PTGES3: variants seen among roughly 807,000 people sequenced by gnomAD.
The protein encoded by PTGES3 is Hsp90 co-chaperone.
In PTGES3, 5 loss-of-function variants were observed where a neutral mutation model predicts 29.9. The ratio of observed to expected loss-of-function variants is 0.17; its 90% CI spans 0.09 to 0.35. PTGES3 has a LOEUF of 0.35. PTGES3 is among the 10% of genes least tolerant of loss of function. The pLI is 1.00. For missense variants in PTGES3, 128 were observed against 190.0 expected (o/e 0.67, Z 1.92); for synonymous variants, 49 against 57.8 (o/e 0.85, Z 0.69).
intron 6 of PTGES3, chr12:56,665,284 C>CTTTTTTT (rs59007550): frequency 1.4e-6 from 1 of 692,986 alleles, no homozygotes; most frequent in Non-Finnish European, 1.7e-6. Flanking sequence ...CAATGTCCAT[C>CTTTTTTT]TTTTTTTTTT....
chr12:56,685,625 C>A (rs1592288273), intron 1 of PTGES3, among the ~76,000 whole-genome samples: 1 of 151,680 alleles, frequency 6.6e-6, no homozygotes, highest in Admixed American at 6.6e-5. Context: ...TGGTCTCGAT[C>A]TCCTGACCTC....
At chr12:56,671,154 T>C (rs1336138778) in intron 4 of PTGES3, among the ~76,000 whole-genome samples, 1 of 151,768 alleles carries the variant, frequency 6.6e-6, no homozygotes, top group African/African-American at 2.4e-5. Context: ...GTCCCAGCAC[T>C]TTGGGAGGCT....
At chr12:56,685,760 G>A (rs1378297872) in intron 1 of PTGES3, among the ~76,000 whole-genome samples, 1 of 133,950 alleles carries the variant, frequency 7.5e-6, no homozygotes, top group Non-Finnish European at 1.5e-5. Flanking sequence ...TCTCTCTACT[G>A]CTACACTTAC....
At chr12:56,687,511 G>T (rs1005208052) in intron 1 of PTGES3, 1 of 998,446 alleles carries the variant, frequency 1.0e-6, no homozygotes, top group African/African-American at 1.7e-5. Context: ...AGCTCACGGC[G>T]AGGTCCGCGT....
At chr12:56,675,837 C>A (rs935292946) in intron 1 of PTGES3, among the ~76,000 whole-genome samples, 2 of 152,018 alleles carry the variant, frequency 1.3e-5, no homozygotes, top group African/African-American at 4.8e-5. Flanking sequence ...GCAGGAGAAT[C>A]GCTTGAAATA....
intron 7 of PTGES3, 30 bp downstream of exon 7, chr12:56,664,746 T>C (rs1353774786): frequency 6.3e-7 from 1 of 1,578,988 alleles, no homozygotes; most frequent in South Asian, 1.1e-5. Flanking sequence ...AAAGTATCAC[T>C]GTATAAACAT....
chr12:56,687,093 C>A (rs1460308295), intron 1 of PTGES3, among the ~76,000 whole-genome samples: 1 of 150,586 alleles, frequency 6.6e-6, no homozygotes. Context: ...CGGTTAAAAT[C>A]GCCAAGGCTT....
intron 1 of PTGES3, among the ~76,000 whole-genome samples, chr12:56,674,104 T>C (rs1454009159): frequency 6.6e-6 from 1 of 152,204 alleles, no homozygotes; most frequent in African/African-American, 2.4e-5. Context: ...AATTAATACA[T>C]TGAAGTCCTA....
chr12:56,671,661 C>A (rs1345672903), intron 4 of PTGES3, 88 bp downstream of exon 4: 2 of 754,740 alleles, frequency 2.6e-6, no homozygotes, highest in Admixed American at 3.2e-5. Flanking sequence ...AACAAAAACA[C>A]AGCCATATTC....
At chr12:56,675,554 AAG>A (rs951697751) in intron 1 of PTGES3, among the ~76,000 whole-genome samples, 3 of 151,462 alleles carry the variant, frequency 2.0e-5, no homozygotes, top group African/African-American at 4.9e-5. Context: ...TGAATGAGAT[AAG>A]AGATATTTGT....
intron 6 of PTGES3, chr12:56,665,163 A>G: frequency 1.0e-6 from 1 of 985,208 alleles, no homozygotes; most frequent in Non-Finnish European, 1.2e-6. Context: ...AGTGAATATT[A>G]AGTGTTTTTC....
chr12:56,670,400 CTAATTTGCATTTGGCATGAACCT>C, intron 4 of PTGES3, 36 bp from the exon 5 acceptor site: 1 of 1,463,670 alleles, frequency 6.8e-7, no homozygotes, highest in African/African-American at 1.4e-5. Context: ...TAAGATTAGG[CTAATTTGCATTTGGCATGAACCT>C]TAAGACTACG....
intron 5 of PTGES3, among the ~76,000 whole-genome samples, chr12:56,670,035 T>C (rs1052373307): frequency 6.6e-6 from 1 of 151,394 alleles, no homozygotes; most frequent in African/African-American, 2.4e-5. Context: ...TTTGTCTTAA[T>C]GCATTAACTT....
chr12:56,682,630 G>A (rs1427400854), intron 1 of PTGES3, among the ~76,000 whole-genome samples: 1 of 149,804 alleles, frequency 6.7e-6, no homozygotes, highest in Non-Finnish European at 1.5e-5. Flanking sequence ...GCTCACACCT[G>A]TAAACCCAGG....
chr12:56,672,427 G>A (rs1952041427), intron 3 of PTGES3, among the ~76,000 whole-genome samples: 1 of 152,206 alleles, frequency 6.6e-6, no homozygotes, highest in Non-Finnish European at 1.5e-5. Context: ...CTACGAGGCA[G>A]AGGTTGCAGT....
intron 5 of PTGES3, 53 bp downstream of exon 5, chr12:56,670,222 T>G (rs983147106): frequency 8.2e-7 from 1 of 1,213,840 alleles, no homozygotes; most frequent in African/African-American, 1.5e-5. Context: ...ATTGACTACA[T>G]AGACAGGTAC....
chr12:56,678,877 G>A (rs1952391312), intron 1 of PTGES3, among the ~76,000 whole-genome samples: 1 of 152,108 alleles, frequency 6.6e-6, no homozygotes. Flanking sequence ...AGCACTTTAG[G>A]AGGCCAAGGT....
chr12:56,677,242 A>G (rs923910199), intron 1 of PTGES3, among the ~76,000 whole-genome samples: 2 of 146,816 alleles, frequency 1.4e-5, no homozygotes, highest in Admixed American at 1.4e-4. Flanking sequence ...CCTTCTCCGC[A>G]CCACCCAAAA....
At chr12:56,685,732 G>A (rs1055845711) in intron 1 of PTGES3, among the ~76,000 whole-genome samples, 2 of 147,870 alleles carry the variant, frequency 1.4e-5, no homozygotes, top group African/African-American at 2.5e-5. Context: ...TAACTAGAGA[G>A]GCTACTTTTT....
Sources: allele counts gnomAD v4.1 joint callset (sites outside exome capture counted in the v4.1 genomes callset), GRCh38; gene constraint gnomAD v4.1.1; transcripts MANE v1.5; gene names NCBI Gene and HGNC (gene_info 2026-07-23, HGNC 2026-07-21).